MSRB3: variants seen among roughly 807,000 people sequenced by gnomAD.
The protein encoded by MSRB3 is methionine sulfoxide reductase B3.
Under a neutral mutation model 21.0 loss-of-function variants are expected in MSRB3, and 13 were observed. The ratio of observed to expected loss-of-function variants is 0.62; its 90% CI spans 0.40 to 0.98. The LOEUF (loss-of-function observed/expected upper bound fraction) is 0.98, where lower values mean the gene tolerates loss of function less well. MSRB3 is among the 50% of genes least tolerant of loss of function. MSRB3 has a pLI of 0.00. For synonymous variants in MSRB3, 87 were observed against 88.6 expected (o/e 0.98, Z 0.10); for missense variants, 199 against 230.3 (o/e 0.86, Z 0.88).
chr12:65,298,923 T>A (rs1336801411), intron 1 of MSRB3, among the ~76,000 whole-genome samples: 1 of 152,208 alleles, frequency 6.6e-6, no homozygotes, highest in Non-Finnish European at 1.5e-5. Context: ...TAGGATTTAG[T>A]CAGCTTGCAT....
intron 1 of MSRB3, among the ~76,000 whole-genome samples, chr12:65,291,184 C>T (rs1872645531): frequency 6.6e-6 from 1 of 151,864 alleles, no homozygotes; most frequent in South Asian, 2.1e-4. Flanking sequence ...CTCCCAGGTT[C>T]AAGTGATTCT....
At position 65,389,008 on chromosome 12, in the gene MSRB3, T is replaced by G. The variant is rs536073484; in HGVS notation, c.292+19982T>G. On this transcript the variant is annotated intron_variant, in intron 5 of 6. Coordinates refer to ENST00000308259, the MANE Select transcript of MSRB3 (RefSeq NM_001031679.3). The stretch of plus-strand genomic sequence containing the variant: ...ATCCATGAGCTCTTAAGGGATGGCT[T>G]CTTCCTCCTCGTAAATAATGATGTT... 2.0e-5 allele frequency among the ~76,000 whole-genome samples: 3 copies of G among 152,354 alleles called. No homozygotes were observed. In the East Asian group the frequency reaches 5.8e-4, roughly 29 times the overall value.
chr12:65,368,629 T>G (rs1368963193), intron 4 of MSRB3, among the ~76,000 whole-genome samples: 1 of 152,186 alleles, frequency 6.6e-6, no homozygotes, highest in Admixed American at 6.5e-5. Flanking sequence ...ATTTCAAACC[T>G]TGAATAATAA....
At chr12:65,327,439 A>C (rs2136452034) in intron 3 of MSRB3, among the ~76,000 whole-genome samples, 1 of 152,354 alleles carries the variant, frequency 6.6e-6, no homozygotes, top group Admixed American at 6.5e-5. Context: ...TGGAATGTCA[A>C]AAATTTTCAA....
chr12:65,316,413 G>A (rs907454975), intron 2 of MSRB3: 3 of 152,088 alleles, frequency 2.0e-5, no homozygotes, highest in African/African-American at 7.2e-5. Context: ...AAATGTCATG[G>A]GTTTGATCAG....
chr12:65,436,566 T>G (rs2136672806), intron 5 of MSRB3, among the ~76,000 whole-genome samples: 1 of 151,978 alleles, frequency 6.6e-6, no homozygotes, highest in Admixed American at 6.6e-5. Context: ...AAACCCTGAT[T>G]TGGGTGTTAT....
At chr12:65,425,689 T>G (rs968368768) in intron 5 of MSRB3, among the ~76,000 whole-genome samples, 1 of 151,046 alleles carries the variant, frequency 6.6e-6, no homozygotes, top group Non-Finnish European at 1.5e-5. Flanking sequence ...AGTTTACATC[T>G]TTTTTTTTGT....
At chr12:65,415,669 A>C (rs773261992) in intron 5 of MSRB3, among the ~76,000 whole-genome samples, 7 of 152,202 alleles carry the variant, frequency 4.6e-5, no homozygotes, top group Non-Finnish European at 8.8e-5. Context: ...GCATTTGTTG[A>C]ACTGGTAAAA....
intron 1 of MSRB3, among the ~76,000 whole-genome samples, chr12:65,300,745 C>T (rs193269492): frequency 1.2e-3 from 189 of 152,244 alleles, no homozygotes; most frequent in African/African-American, 4.3e-3. Context: ...AGCTCTGCCC[C>T]GTATCTCCTT....
At chr12:65,337,899 A>G (rs1005882451) in intron 4 of MSRB3, among the ~76,000 whole-genome samples, 9 of 152,142 alleles carry the variant, frequency 5.9e-5, no homozygotes, top group African/African-American at 2.2e-4. Flanking sequence ...GTTTTAATAC[A>G]TTTGTCATTT....
At chr12:65,292,264 T>C (rs907988627) in intron 1 of MSRB3, among the ~76,000 whole-genome samples, 9 of 152,122 alleles carry the variant, frequency 5.9e-5, no homozygotes, top group African/African-American at 1.7e-4. Context: ...GTTAGACACA[T>C]GATTTTAGGC....
chr12:65,382,870 A>G (rs1879014719), intron 5 of MSRB3, among the ~76,000 whole-genome samples: 1 of 152,078 alleles, frequency 6.6e-6, no homozygotes, highest in Non-Finnish European at 1.5e-5. Context: ...ATATATATAC[A>G]TGCATATATG....
At chr12:65,345,380 A>C (rs1160765560) in intron 4 of MSRB3, among the ~76,000 whole-genome samples, 1 of 152,092 alleles carries the variant, frequency 6.6e-6, no homozygotes, top group African/African-American at 2.4e-5. Context: ...ACCGAATTAA[A>C]ATAAGTCAAA....
intron 2 of MSRB3, among the ~76,000 whole-genome samples, chr12:65,318,383 G>A (rs1049792096): frequency 1.3e-5 from 2 of 152,118 alleles, no homozygotes; most frequent in Admixed American, 6.6e-5. Context: ...GGTGGTTACC[G>A]CTCATCTCCC....
rs1883424312 is a variant in MSRB3 at position 65,463,435 on chromosome 12, C to T, written c.*113C>T. 7.7e-7 allele frequency: 1 copy of T among 1,306,684 alleles called. No individual in the cohort carries two copies. The highest frequency in any genetic ancestry group is 1.0e-6 in the Non-Finnish European group (1 of 952,522). 80.9% of individuals were successfully genotyped at this position (1,306,684 alleles called of 1,614,324 possible). On this transcript the variant is annotated 3_prime_UTR_variant, in exon 7 of 7. Transcript: ENST00000308259. ...CAAAAACTATAAGGGCAGTTTTGTGCTATTGATATTTTTTCTTCTTTTGCT... is the reference window on the plus strand; with the variant it reads ...CAAAAACTATAAGGGCAGTTTTGTGTTATTGATATTTTTTCTTCTTTTGCT...
At chr12:65,384,722 G>A (rs908902618) in intron 5 of MSRB3, among the ~76,000 whole-genome samples, 1 of 152,050 alleles carries the variant, frequency 6.6e-6, no homozygotes, top group Non-Finnish European at 1.5e-5. Context: ...TATAGCTTTT[G>A]TGATATTCTT....
intron 1 of MSRB3, among the ~76,000 whole-genome samples, chr12:65,299,057 AC>A (rs1483388784): frequency 6.6e-6 from 1 of 152,150 alleles, no homozygotes; most frequent in African/African-American, 2.4e-5. Context: ...GGTGAAAAAA[AC>A]TACCTGCAAC....
intron 5 of MSRB3, among the ~76,000 whole-genome samples, chr12:65,386,884 A>G (rs1056187947): frequency 6.6e-6 from 1 of 152,090 alleles, no homozygotes; most frequent in Non-Finnish European, 1.5e-5. Flanking sequence ...TGTAGTTTAC[A>G]AAGACTAATG....
At chr12:65,461,213 C>G (rs922642799) in intron 6 of MSRB3, among the ~76,000 whole-genome samples, 9 of 152,138 alleles carry the variant, frequency 5.9e-5, no homozygotes, top group African/African-American at 2.2e-4. Flanking sequence ...TCCTGTTGGA[C>G]AGCACCTTGA....
Sources: allele counts gnomAD v4.1 joint callset (sites outside exome capture counted in the v4.1 genomes callset), GRCh38; gene constraint gnomAD v4.1.1; transcripts MANE v1.5; gene names NCBI Gene and HGNC (gene_info 2026-07-23, HGNC 2026-07-21).